STK33: variants seen among roughly 807,000 people sequenced by gnomAD.
STK33 encodes serine/threonine kinase 33, also known as serine/threonine-protein kinase 33.
Under a neutral mutation model 58.0 loss-of-function variants are expected in STK33, and 52 were observed. The ratio of observed to expected loss-of-function variants is 0.90; its 90% CI spans 0.72 to 1.13. The LOEUF (loss-of-function observed/expected upper bound fraction) is 1.13, where lower values mean the gene tolerates loss of function less well. Among genes scored for constraint, STK33 ranks in the 50% most tolerant of loss-of-function variants. The pLI is 0.00. For missense variants in STK33, 630 were observed against 604.2 expected (o/e 1.04, Z -0.45); for synonymous variants, 215 against 200.1 (o/e 1.07, Z -0.63).
the STK33 span, among the ~76,000 whole-genome samples, chr11:8,358,739 A>G: frequency 1.3e-5 from 2 of 152,216 alleles, no homozygotes; most frequent in African/African-American, 4.8e-5. Context: ...TTTATAACCC[A>G]TTGAAAGAAA....
intron 1 of STK33, among the ~76,000 whole-genome samples, chr11:8,532,178 T>C (rs1218299055): frequency 6.6e-6 from 1 of 152,250 alleles, no homozygotes; most frequent in Non-Finnish European, 1.5e-5. Flanking sequence ...AACAGGGATC[T>C]ACATTTGTAA....
chr11:8,349,630 T>C, the STK33 span, among the ~76,000 whole-genome samples: 2 of 152,196 alleles, frequency 1.3e-5, no homozygotes, highest in Non-Finnish European at 2.9e-5. Context: ...TTGTCTGGAG[T>C]TGACATCCCT....
In STK33 at chr11:8,405,379, C is replaced by A. The variant is rs990615723; in HGVS notation, c.1344+8116G>T. On this transcript the variant is annotated intron_variant, in intron 15 of 15. Transcript: ENST00000687296. The stretch of plus-strand genomic sequence containing the variant: ...ATATGCTTATTGACTACTTGTATAT[C>A]TTCCTATGTGAAGTGTCTGTTCAAG... 1.8e-4 allele frequency among the ~76,000 whole-genome samples: 28 copies of A among 152,272 alleles called. No individual in the cohort carries two copies. In the East Asian group the frequency reaches 2.3e-3, roughly 13 times the overall value.
intron 1 of STK33, among the ~76,000 whole-genome samples, chr11:8,538,978 G>A (rs919877171): frequency 4.6e-5 from 7 of 152,138 alleles, no homozygotes; most frequent in African/African-American, 9.7e-5. Flanking sequence ...CTAAAAATAA[G>A]AGAAATGTTT....
At chr11:8,507,544 A>G (rs1046533382) in intron 1 of STK33, among the ~76,000 whole-genome samples, 2 of 152,178 alleles carry the variant, frequency 1.3e-5, no homozygotes, top group Non-Finnish European at 2.9e-5. Context: ...CCTGTGGTAA[A>G]GGTGAAGGAG....
chr11:8,454,025 A>G (rs1946576772), intron 10 of STK33, among the ~76,000 whole-genome samples: 1 of 152,230 alleles, frequency 6.6e-6, no homozygotes, highest in South Asian at 2.1e-4. Context: ...TACTAAGTGA[A>G]TAAGACATGC....
the STK33 span, among the ~76,000 whole-genome samples, chr11:8,378,651 T>G: frequency 1.3e-5 from 2 of 152,262 alleles, no homozygotes; most frequent in East Asian, 3.9e-4. Flanking sequence ...TCACAACATG[T>G]GGGGATTATG....
At chr11:8,547,116 C>A (rs777663625) in intron 1 of STK33, among the ~76,000 whole-genome samples, 1 of 152,166 alleles carries the variant, frequency 6.6e-6, no homozygotes. Context: ...TTAACTGGGG[C>A]AAAATATCAC....
At chr11:8,569,606 A>G (rs534584579) in intron 1 of STK33, among the ~76,000 whole-genome samples, 1 of 152,340 alleles carries the variant, frequency 6.6e-6, no homozygotes, top group East Asian at 1.9e-4. Flanking sequence ...AGAAAAACTG[A>G]TAAATTAGAC....
downstream of STK33, among the ~76,000 whole-genome samples, chr11:8,388,498 T>G (rs574556221): frequency 3.8e-4 from 58 of 152,162 alleles, no homozygotes; most frequent in Admixed American, 7.2e-4. Context: ...CTCAGAAAAA[T>G]GCAGGATCCT....
chr11:8,527,955 C>A (rs1262214027), intron 1 of STK33, among the ~76,000 whole-genome samples: 1 of 152,092 alleles, frequency 6.6e-6, no homozygotes, highest in Non-Finnish European at 1.5e-5. Flanking sequence ...TTTCATATTC[C>A]ATACACAACC....
the STK33 span, among the ~76,000 whole-genome samples, chr11:8,357,281 G>A: frequency 1.1e-4 from 16 of 152,188 alleles, no homozygotes; most frequent in Non-Finnish European, 1.5e-4. Context: ...CGCTGGGTCC[G>A]GCCCCCGCAA....
intron 14 of STK33, among the ~76,000 whole-genome samples, chr11:8,418,659 C>T (rs1168935966): frequency 6.6e-6 from 1 of 152,126 alleles, no homozygotes; most frequent in African/African-American, 2.4e-5. Flanking sequence ...TGAGGAATCG[C>T]CACACTGCTT....
chr11:8,454,883 G>C (rs2137023174), intron 9 of STK33, 51 bp from the exon 10 acceptor site: 1 of 1,461,108 alleles, frequency 6.8e-7, no homozygotes, highest in East Asian at 2.5e-5. Context: ...TGGAAAAATA[G>C]GAGAGACACA....
At chr11:8,553,167 AATATATATATATATATAT>A (rs56363010) in intron 1 of STK33, among the ~76,000 whole-genome samples, 1 of 68,192 alleles carries the variant, frequency 1.5e-5, no homozygotes, top group Non-Finnish European at 3.0e-5. Flanking sequence ...CCAAAAATAA[AATATATATATATATATAT>A]ATATATATAT....
chr11:8,460,379 G>GAT (rs138481585), intron 8 of STK33, among the ~76,000 whole-genome samples: 2,222 of 151,052 alleles, frequency 0.015, 69 homozygotes, highest in African/African-American at 0.048. Flanking sequence ...GGAATATATA[G>GAT]ATATATATAT....
chr11:8,491,842 C>G (rs1950637616), intron 1 of STK33, among the ~76,000 whole-genome samples: 1 of 152,148 alleles, frequency 6.6e-6, no homozygotes, highest in Non-Finnish European at 1.5e-5. Context: ...ATCCAGCCAA[C>G]TAAGCTTCAC....
At chr11:8,472,655 TAAA>T (rs769228963) in intron 6 of STK33, among the ~76,000 whole-genome samples, 1 of 152,244 alleles carries the variant, frequency 6.6e-6, no homozygotes, top group Admixed American at 6.5e-5. Context: ...TCTTTAATGT[TAAA>T]AACACACATT....
intron 1 of STK33, among the ~76,000 whole-genome samples, chr11:8,573,123 T>G (rs1388842678): frequency 6.6e-6 from 1 of 151,948 alleles, no homozygotes; most frequent in Non-Finnish European, 1.5e-5. Flanking sequence ...TTTAAAACTT[T>G]TTCTCTGCAA....
Sources: allele counts gnomAD v4.1 joint callset (sites outside exome capture counted in the v4.1 genomes callset), GRCh38; gene constraint gnomAD v4.1.1; transcripts MANE v1.5; gene names NCBI Gene and HGNC (gene_info 2026-07-23, HGNC 2026-07-21).